Variants in P4HTM observed in about 807,000 individuals in gnomAD.
P4HTM encodes the protein transmembrane prolyl 4-hydroxylase.
P4HTM carries 33 observed loss-of-function variants against 55.3 expected under a neutral mutation model. The observed-to-expected ratio is 0.60, with a 90% CI of 0.45 to 0.80. The LOEUF is 0.80. Ranked by LOEUF, P4HTM falls within the 30% of genes least tolerant of loss-of-function variation. P4HTM has a pLI of 0.00. For missense variants in P4HTM, 542 were observed against 696.5 expected (o/e 0.78, Z 2.50); for synonymous variants, 272 against 286.4 (o/e 0.95, Z 0.51).
chr3:48,992,561 G>A (rs1283276453), intron 2 of P4HTM, among the ~76,000 whole-genome samples: 1 of 148,626 alleles, frequency 6.7e-6, no homozygotes, highest in Non-Finnish European at 1.5e-5. Context: ...AGCCAAGATC[G>A]CACCACTGCA....
chr3:48,992,343 T>C (rs1403207852), intron 2 of P4HTM: 1 of 151,990 alleles, frequency 6.6e-6, no homozygotes, highest in Admixed American at 6.6e-5. Flanking sequence ...TGGTGGCTCA[T>C]GTCTATAATC....
rs920250169 is a variant in P4HTM at position 48,990,924 on chromosome 3, C to G, written c.436+10C>G. 1.2e-6 allele frequency: 2 copies of G among 1,610,520 alleles called. No individual in the cohort carries two copies. Among genetic ancestry groups the G allele is most frequent in the Non-Finnish European group, 1.7e-6 (2 of 1,177,062 alleles). ...AAGCCGCTGCTCTTCGGTAAGTCCG[C>G]CAGATACTCCTGGGAAGGGCCAGGG... On this transcript the variant is annotated intron_variant, in intron 2 of 8. Coordinates refer to ENST00000383729, the MANE Select transcript of P4HTM (RefSeq NM_177939.3). This position sits in a 1 kb window ranked among gnomAD's most constrained non-coding sequence, Gnocchi z 7.2.
chr3:49,004,834 C>T (rs2092971620), intron 5 of P4HTM, 27 bp from the exon 6 acceptor site: 2 of 1,584,676 alleles, frequency 1.3e-6, no homozygotes, highest in Non-Finnish European at 8.6e-7. Context: ...CCTGGGGCTG[C>T]CCAGCCAAAT....
chr3:49,000,644 G>A (rs1019588240), intron 2 of P4HTM, among the ~76,000 whole-genome samples: 36 of 152,324 alleles, frequency 2.4e-4, no homozygotes, highest in African/African-American at 7.9e-4. Flanking sequence ...CTACCAGAAT[G>A]TGGGCTCCCT....
intron 2 of P4HTM, among the ~76,000 whole-genome samples, chr3:48,993,622 G>A (rs1008379839): frequency 2.0e-5 from 3 of 152,128 alleles, no homozygotes; most frequent in African/African-American, 7.2e-5. Flanking sequence ...AGCACTTTGG[G>A]AGGCTGAGGC....
At chr3:48,992,392 G>T (rs1322639390) in intron 2 of P4HTM, among the ~76,000 whole-genome samples, 1 of 151,860 alleles carries the variant, frequency 6.6e-6, no homozygotes, top group Non-Finnish European at 1.5e-5. Flanking sequence ...GATCACTTCA[G>T]GTCAGGAATT....
intron 2 of P4HTM, among the ~76,000 whole-genome samples, chr3:48,996,954 CAT>C (rs1278410512): frequency 6.6e-6 from 1 of 152,194 alleles, no homozygotes; most frequent in Non-Finnish European, 1.5e-5. Context: ...CCCTACCCAG[CAT>C]AGACAGCTGC....
rs1220896005 is a variant in P4HTM, at chr3:49,006,787, C to T, written c.1389C>T (p.Ser463=). 1 of 1,613,494 alleles carries T rather than the reference C, an allele frequency of 6.2e-7. No individual in the cohort carries two copies. The highest frequency in any genetic ancestry group is 8.5e-7 in the Non-Finnish European group (1 of 1,180,048). ...ACAACTGGATTAATGTGGACCCCAG[C>T]CGAGCGCGGCAAGCGCTGTTCCAAC... ...IANNWINVDP[S]RARQALFQQE... is the part of the protein sequence containing the mutation. Residue 463 remains serine, a synonymous_variant, in exon 9 of 9, where the codon AGC becomes AGT. Coordinates refer to ENST00000383729, the MANE Select transcript of P4HTM (RefSeq NM_177939.3).
chr3:48,993,103 G>A (rs1191641855), intron 2 of P4HTM, among the ~76,000 whole-genome samples: 1 of 151,944 alleles, frequency 6.6e-6, no homozygotes, highest in African/African-American at 2.4e-5. Flanking sequence ...CAGGTTGTTC[G>A]GGACCAGCCT....
intron 2 of P4HTM, among the ~76,000 whole-genome samples, chr3:48,998,823 A>G (rs985906053): frequency 2.6e-5 from 4 of 152,144 alleles, no homozygotes; most frequent in Non-Finnish European, 5.9e-5. Flanking sequence ...TTCACAGGAT[A>G]GGTTAGGCTG....
rs1277386657 is a variant in P4HTM at position 48,999,962 on chromosome 3, C to T, written c.437-1476C>T. On this transcript the variant is annotated intron_variant, in intron 2 of 8. Coordinates refer to ENST00000383729, the MANE Select transcript of P4HTM (RefSeq NM_177939.3). The surrounding 1 kb of genome is among the most constrained non-coding windows in gnomAD (Gnocchi z 4.8). ...TGCTGGGGTCACGGGATCATGCAGG[C>T]CAAGAGTGGGGGCCTTTGTCCTATC... is the stretch of plus-strand genomic sequence containing the variant. 6.6e-6 allele frequency among the ~76,000 whole-genome samples: 1 copy of T among 152,172 alleles called. No homozygotes were observed. The highest frequency in any genetic ancestry group is 1.9e-4 in the East Asian group (1 of 5,196).
chr3:48,994,446 C>T (rs1476805181), intron 2 of P4HTM, among the ~76,000 whole-genome samples: 1 of 152,208 alleles, frequency 6.6e-6, no homozygotes, highest in African/African-American at 2.4e-5. Flanking sequence ...CCCCGTGCAG[C>T]CCCCAGTCTC....
chr3:48,990,650 C>T lies in P4HTM; in HGVS notation c.354+40C>T. ...GCCCCGCCGCGCTCCAGGCCCTGCA[C>T]GGCTGAGCCCGAGAGGACCGGCGCT... On this transcript the variant is annotated intron_variant, in intron 1 of 8. Transcript: ENST00000383729. This position sits in a 1 kb window ranked among gnomAD's most constrained non-coding sequence, Gnocchi z 7.2. 1 of 1,499,838 alleles carries T rather than the reference C, an allele frequency of 6.7e-7. No individual in the cohort carries two copies. Among genetic ancestry groups the T allele is most frequent in the South Asian group, 1.3e-5 (1 of 77,690 alleles). 92.9% of individuals were successfully genotyped at this position (1,499,838 alleles called of 1,614,324 possible). A position where few individuals can be genotyped will look rare whatever the true frequency, so the allele number is the denominator to read the frequency against.
chr3:49,006,014 G>A, intron 7 of P4HTM, 50 bp from the exon 8 acceptor site: 6 of 1,587,174 alleles, frequency 3.8e-6, no homozygotes, highest in African/African-American at 1.3e-5. Context: ...TGGCTGGCCT[G>A]GCCATAGAGT....
In P4HTM at chr3:48,994,383, C is replaced by T. The variant is rs553224221; in HGVS notation, c.436+3469C>T. ...CTGGGGCAAGGGAACTGGGGTCCACCCCAAGGTGCCTCCATCTCTGTAGAA... is the reference window on the plus strand; with the variant it reads ...CTGGGGCAAGGGAACTGGGGTCCACTCCAAGGTGCCTCCATCTCTGTAGAA... On this transcript the variant is annotated intron_variant, in intron 2 of 8. Coordinates refer to ENST00000383729, the MANE Select transcript of P4HTM (RefSeq NM_177939.3). Among the ~76,000 whole-genome samples, 12 of 152,262 alleles carry T rather than the reference C, an allele frequency of 7.9e-5. No homozygotes were observed. The East Asian group carries it at 1.9e-3, about 24-fold the overall frequency.
intron 2 of P4HTM, among the ~76,000 whole-genome samples, chr3:48,992,560 C>T (rs1426518835): frequency 2.0e-5 from 3 of 149,044 alleles, no homozygotes; most frequent in South Asian, 2.1e-4. Context: ...GAGCCAAGAT[C>T]GCACCACTGC....
intron 2 of P4HTM, chr3:48,991,137 G>T: frequency 1.8e-6 from 1 of 543,138 alleles, no homozygotes; most frequent in Non-Finnish European, 3.3e-6. Flanking sequence ...GGCTGGCAGG[G>T]TGAGCCTGAG....
chr3:48,990,490 G>T lies in P4HTM; in HGVS notation c.234G>T (p.Leu78=). Residue 78 remains leucine, a synonymous_variant, in exon 1 of 9, where the codon CTG becomes CTT. Coordinates refer to ENST00000383729, the MANE Select transcript of P4HTM (RefSeq NM_177939.3). The surrounding 1 kb of genome is among the most constrained non-coding windows in gnomAD (Gnocchi z 7.2). ...TGTACCTGGGTAACGTGCTGGCGCT[G>T]CTGCTCTTCGTGCACTACAGCAACG... is the stretch of plus-strand genomic sequence containing the variant. ...VHLYLGNVLA[L]LLFVHYSNGD... The T allele has an allele frequency of 6.2e-7, 1 of 1,611,288 alleles. No homozygotes were observed. The highest frequency in any genetic ancestry group is 8.5e-7 in the Non-Finnish European group (1 of 1,179,436).
intron 2 of P4HTM, chr3:49,001,201 G>A: frequency 1.8e-6 from 1 of 554,054 alleles, no homozygotes. Flanking sequence ...GGGCTCTCCT[G>A]GAAAATGTGT....
Sources: gnomAD v4.1 joint callset for allele counts (sites outside exome capture counted in the v4.1 genomes callset) on GRCh38, gnomAD v4.1.1 for gene constraint, Gnocchi (gnomAD v3.1) non-coding constraint, MANE v1.5 for transcripts, NCBI Gene and HGNC (gene_info 2026-07-23, HGNC 2026-07-21) for gene names.